The following C1RL variants were observed in gnomAD, a reference collection of about 807,000 sequenced individuals.
C1RL encodes the protein complement C1r subcomponent like.
A neutral mutation model predicts 27.9 loss-of-function variants in C1RL; 27 were observed. The observed-to-expected ratio is 0.97, with a 90% CI of 0.71 to 1.33. The LOEUF is 1.33. C1RL is among the 40% of genes most tolerant of loss of function. C1RL has a pLI of 0.00. For missense variants in C1RL, 563 were observed against 623.9 expected (o/e 0.90, Z 1.04); for synonymous variants, 248 against 252.1 (o/e 0.98, Z 0.15).
intron 2 of C1RL, among the ~76,000 whole-genome samples, chr12:7,105,472 G>A (rs1023113499): frequency 6.6e-6 from 1 of 152,168 alleles, no homozygotes; most frequent in African/African-American, 2.4e-5. Context: ...GTTTCACCAT[G>A]TTGGCCAGGC....
rs1351973656 is a variant in C1RL, at chr12:7,109,108, A to T, written c.71+2T>A. The T allele has an allele frequency of 1.3e-6, 2 of 1,588,696 alleles. No individual in the cohort carries two copies. Among genetic ancestry groups the T allele is most frequent in the East Asian group, 4.5e-5 (2 of 44,064 alleles). Reference sequence around the variant, plus strand: ...CTCCTCCTCTGCCGGGGCCACACTCACATTGCGCCTGGACAGCCTTTGGAG... The same window carrying T: ...CTCCTCCTCTGCCGGGGCCACACTCTCATTGCGCCTGGACAGCCTTTGGAG... On this transcript the variant is annotated splice_donor_variant, in intron 1 of 5. Coordinates refer to ENST00000266542, the MANE Select transcript of C1RL (RefSeq NM_016546.4). LOFTEE classifies it high-confidence loss of function.
intron 2 of C1RL, among the ~76,000 whole-genome samples, chr12:7,106,622 G>C (rs1938773523): frequency 6.6e-6 from 1 of 152,154 alleles, no homozygotes; most frequent in Non-Finnish European, 1.5e-5. Flanking sequence ...ATTCATGCTT[G>C]AGTATTTCAG....
Position 7,095,877 on chromosome 12 carries a change from A to T in C1RL, c.*514T>A. On this transcript the variant is annotated 3_prime_UTR_variant, in exon 6 of 6. Coordinates refer to ENST00000266542, the MANE Select transcript of C1RL (RefSeq NM_016546.4). ...GCACCTGGCATATAGAGGACATAAA[A>T]TAAAAAAGGAGCTGTTTCTATAATT... is the stretch of plus-strand genomic sequence containing the variant. 4.1e-6 allele frequency: 4 copies of T among 970,694 alleles called. No individual in the cohort carries two copies. Among genetic ancestry groups the T allele is most frequent in the Non-Finnish European group, 4.9e-6 (4 of 816,382 alleles). 60.1% of individuals were successfully genotyped at this position (970,694 alleles called of 1,614,324 possible).
rs759478289 is a variant in C1RL at position 7,096,477 on chromosome 12, T to A, written c.1378A>T (p.Ile460Leu). 2 of 1,614,148 alleles carry A rather than the reference T, an allele frequency of 1.2e-6. No homozygotes were observed. Among genetic ancestry groups the A allele is most frequent in the African/African-American group, 2.7e-5 (2 of 75,020 alleles). The stretch of plus-strand genomic sequence containing the variant: ...AAGTCATACCCTTCGCCACACCCTA[T>A]GCCCCAGGACACAATGCCCGTGGCC... ...WVATGIVSWG[I>L]GCGEGYDFYT... is the part of the protein sequence containing the mutation. Residue 460 changes from isoleucine to leucine, a missense_variant, in exon 6 of 6, where the codon ATA becomes TTA. Coordinates refer to ENST00000266542, the MANE Select transcript of C1RL (RefSeq NM_016546.4).
intron 2 of C1RL, among the ~76,000 whole-genome samples, chr12:7,102,781 A>C (rs1452679146): frequency 6.6e-6 from 1 of 152,224 alleles, no homozygotes; most frequent in Admixed American, 6.5e-5. Flanking sequence ...GTGTTGCTTC[A>C]TCGGGCAGCT....
At chr12:7,101,725 G>A (rs1938629813) in intron 3 of C1RL, 173 bp downstream of exon 3, 7 of 648,848 alleles carry the variant, frequency 1.1e-5, no homozygotes, top group East Asian at 5.2e-5. Context: ...GCTCAGCTAC[G>A]GCTGTCTCTT....
chr12:7,095,868 G>A lies in C1RL; in HGVS notation c.*523C>T, dbSNP rs1221877982. 1.1e-6 allele frequency: 1 copy of A among 930,088 alleles called. No homozygotes were observed. The highest frequency in any genetic ancestry group is 1.3e-6 in the Non-Finnish European group (1 of 779,528). The allele number at this position is 930,088 out of a possible 1,614,324, so 57.6% of individuals were successfully genotyped here. ...ACAGGTGAAGCACCTGGCATATAGA[G>A]GACATAAAATAAAAAAGGAGCTGTT... On this transcript the variant is annotated 3_prime_UTR_variant, in exon 6 of 6. Transcript: ENST00000266542.
intron 5 of C1RL, among the ~76,000 whole-genome samples, chr12:7,098,953 T>C (rs554912587): frequency 1.7e-4 from 26 of 151,016 alleles, no homozygotes; most frequent in Non-Finnish European, 3.4e-4. Flanking sequence ...CCCAGCACTT[T>C]GGGAGGCTGA....
At position 7,095,145 on chromosome 12, in the gene C1RL, C is replaced by G; in HGVS notation, c.*1246G>C. ...CTTTTTTTTTTGGGGGGGATGAAGTCTTGGTCTGTCCGCAGGCTGGAGTGC... is the reference window on the plus strand; with the variant it reads ...CTTTTTTTTTTGGGGGGGATGAAGTGTTGGTCTGTCCGCAGGCTGGAGTGC... On this transcript the variant is annotated 3_prime_UTR_variant, in exon 6 of 6. Transcript: ENST00000266542. 1.6e-6 allele frequency: 2 copies of G among 1,234,786 alleles called. No individual in the cohort carries two copies. The highest frequency in any genetic ancestry group is 2.7e-5 in the South Asian group (2 of 74,916). The allele number at this position is 1,234,786 out of a possible 1,614,324, so 76.5% of individuals were successfully genotyped here. A position where few individuals can be genotyped will look rare whatever the true frequency, so the allele number is the denominator to read the frequency against.
In C1RL at chr12:7,094,645, T is replaced by C; in HGVS notation, c.*1746A>G. ...AATAAGCAAAATAAAATAAAAACAT[T>C]TCATGCTCATTAAACAAATTTTAGC... On this transcript the variant is annotated 3_prime_UTR_variant, in exon 6 of 6. Coordinates refer to ENST00000266542, the MANE Select transcript of C1RL (RefSeq NM_016546.4). 1 of 977,104 alleles carries C rather than the reference T, an allele frequency of 1.0e-6. No individual in the cohort carries two copies. Among genetic ancestry groups the C allele is most frequent in the Non-Finnish European group, 1.2e-6 (1 of 822,352 alleles). 60.5% of individuals were successfully genotyped at this position (977,104 alleles called of 1,614,324 possible). A position where few individuals can be genotyped will look rare whatever the true frequency, so the allele number is the denominator to read the frequency against.
chr12:7,095,034 C>T lies in C1RL; in HGVS notation c.*1357G>A, dbSNP rs147063408. On this transcript the variant is annotated 3_prime_UTR_variant, in exon 6 of 6. Coordinates refer to ENST00000266542, the MANE Select transcript of C1RL (RefSeq NM_016546.4). The stretch of plus-strand genomic sequence containing the variant: ...GACTCTTGATGCTAACAAATTACCT[C>T]TCTTCTCTCTTTTATGGTGTTTATT... The T allele has an allele frequency of 1.6e-4, 183 of 1,133,496 alleles. No individual in the cohort carries two copies. In the African/African-American group the frequency reaches 2.9e-3, roughly 18 times the overall value. 70.2% of individuals were successfully genotyped at this position (1,133,496 alleles called of 1,614,324 possible).
At position 7,099,908 on chromosome 12, in the gene C1RL, C is replaced by T. The variant is rs369643736; in HGVS notation, c.609G>A (p.Ala203=). The change falls in exon 4 of 6, where the codon GCG becomes GCA. Residue 203 remains alanine, a synonymous_variant. Coordinates refer to ENST00000266542, the MANE Select transcript of C1RL (RefSeq NM_016546.4). The part of the protein sequence containing the change: ...NHCQEPYYQA[A]AAGALTCATP... Reference sequence around the variant, plus strand: ...CGGCAGGTGGGGACTCACCTGCTGCCGCGGCCTGATAATAGGGCTCCTGGC... The same window carrying T: ...CGGCAGGTGGGGACTCACCTGCTGCTGCGGCCTGATAATAGGGCTCCTGGC... 2.6e-5 allele frequency: 42 copies of T among 1,614,038 alleles called. No individual in the cohort carries two copies. The highest frequency in any genetic ancestry group is 3.3e-4 in the Middle Eastern group (2 of 6,060).
chr12:7,102,707 C>T (rs1403047530), intron 2 of C1RL, among the ~76,000 whole-genome samples: 3 of 152,186 alleles, frequency 2.0e-5, no homozygotes, highest in Non-Finnish European at 4.4e-5. Flanking sequence ...ACTTTGTAAA[C>T]GAAGCTCTCA....
Position 7,096,033 on chromosome 12 carries a change from C to T in C1RL, c.*358G>A. 9.6e-7 allele frequency: 1 copy of T among 1,037,846 alleles called. No individual in the cohort carries two copies. The highest frequency in any genetic ancestry group is 1.7e-5 in the African/African-American group (1 of 59,132). The allele number at this position is 1,037,846 out of a possible 1,614,324, so 64.3% of individuals were successfully genotyped here. A position where few individuals can be genotyped will look rare whatever the true frequency, so the allele number is the denominator to read the frequency against. ...ATAGCGGGTGAGTAGCTGACTCTTCCACAGGTGAGTATAAAAGCTGTGTCA... is the reference window on the plus strand; with the variant it reads ...ATAGCGGGTGAGTAGCTGACTCTTCTACAGGTGAGTATAAAAGCTGTGTCA... On this transcript the variant is annotated 3_prime_UTR_variant, in exon 6 of 6. Transcript: ENST00000266542.
Position 7,096,351 on chromosome 12 carries a change from C to T in C1RL, c.*40G>A. On this transcript the variant is annotated 3_prime_UTR_variant, in exon 6 of 6. Coordinates refer to ENST00000266542, the MANE Select transcript of C1RL (RefSeq NM_016546.4). ...ACTCCAGGCCCTCTGTTGCCTGGGG[C>T]CTCCACTGTGCTGGTCAGTCCCTGT... is the stretch of plus-strand genomic sequence containing the variant. 4 of 1,269,708 alleles carry T rather than the reference C, an allele frequency of 3.2e-6. No individual in the cohort carries two copies. Among genetic ancestry groups the T allele is most frequent in the South Asian group, 1.3e-5 (1 of 76,510 alleles). The allele number at this position is 1,269,708 out of a possible 1,614,324, so 78.7% of individuals were successfully genotyped here. A position where few individuals can be genotyped will look rare whatever the true frequency, so the allele number is the denominator to read the frequency against.
rs1938701245 is a variant in C1RL, at chr12:7,104,266, A to G, written c.301-2179T>C. Reference sequence around the variant, plus strand: ...GTGAGGGAGACTGCAGAATCCTAGAATCTCTGTGCACCCAGGCAACTCCCT... The same window carrying G: ...GTGAGGGAGACTGCAGAATCCTAGAGTCTCTGTGCACCCAGGCAACTCCCT... On this transcript the variant is annotated intron_variant, in intron 2 of 5. Coordinates refer to ENST00000266542, the MANE Select transcript of C1RL (RefSeq NM_016546.4). The surrounding 1 kb of genome is among the most constrained non-coding windows in gnomAD (Gnocchi z 5.4). Among the ~76,000 whole-genome samples, 1 of 152,136 alleles carries G rather than the reference A, an allele frequency of 6.6e-6. No homozygotes were observed. Among genetic ancestry groups the G allele is most frequent in the South Asian group, 2.1e-4 (1 of 4,830 alleles).
At chr12:7,097,567 G>C (rs746661658) in intron 5 of C1RL, among the ~76,000 whole-genome samples, 150 of 152,188 alleles carry the variant, frequency 9.9e-4, no homozygotes, top group African/African-American at 3.3e-3. Flanking sequence ...CAGGCGTGAG[G>C]CACCGCGCCT....
Position 7,095,519 on chromosome 12 carries a change from AGT to A in C1RL, c.*870_*871del, listed in dbSNP as rs1938401381. On this transcript the variant is annotated 3_prime_UTR_variant, in exon 6 of 6. Transcript: ENST00000266542. ...GGGGTGTCTGCAAGAACTTCAGTCC[AGT>A]GCTGGGCTCACCTGGCTTCTGCAGG... 1.0e-6 allele frequency: 1 copy of A among 986,360 alleles called. No individual in the cohort carries two copies. Among genetic ancestry groups the A allele is most frequent in the Non-Finnish European group, 1.2e-6 (1 of 830,546 alleles). 61.1% of individuals were successfully genotyped at this position (986,360 alleles called of 1,614,324 possible).
chr12:7,101,445 T>G (rs1276895931), intron 3 of C1RL, among the ~76,000 whole-genome samples: 1 of 151,796 alleles, frequency 6.6e-6, no homozygotes. Flanking sequence ...ATTTTTAATT[T>G]TTTTTGTGGA....
Sources: gnomAD v4.1 joint callset for allele counts (sites outside exome capture counted in the v4.1 genomes callset) on GRCh38, gnomAD v4.1.1 for gene constraint, Gnocchi (gnomAD v3.1) non-coding constraint, MANE v1.5 for transcripts, NCBI Gene and HGNC (gene_info 2026-07-23, HGNC 2026-07-21) for gene names.